NOC2L: variants seen among roughly 807,000 people sequenced by gnomAD.
NOC2L encodes nucleolar complex protein 2 homolog.
NOC2L carries 101 observed loss-of-function variants against 94.2 expected under a neutral mutation model. That is an observed-to-expected ratio of 1.07 (90% confidence interval 0.91 to 1.26). The LOEUF (loss-of-function observed/expected upper bound fraction) is 1.26. Among genes scored for constraint, NOC2L ranks in the 50% most tolerant of loss-of-function variants. NOC2L has a pLI of 0.00. For synonymous variants in NOC2L, 531 were observed against 413.4 expected (o/e 1.28, Z -3.45); for missense variants, 1,076 against 980.1 (o/e 1.10, Z -1.31).
chr1:952,924 G>A (rs1441221950), intron 9 of NOC2L, among the ~76,000 whole-genome samples: 1 of 152,212 alleles, frequency 6.6e-6, no homozygotes, highest in Non-Finnish European at 1.5e-5. Context: ...CCTCCAGCCA[G>A]AGAGGCCCTC....
rs537380304 is a variant in NOC2L, at chr1:951,643, G to C, written c.1331+357C>G. On this transcript the variant is annotated intron_variant, in intron 11 of 18. Transcript: ENST00000327044. ...CCCTACCGTGCCTGGACCCTCCTAAGCGCTCACACCCAAAATGCAGTTCAC... is the reference window on the plus strand; with the variant it reads ...CCCTACCGTGCCTGGACCCTCCTAACCGCTCACACCCAAAATGCAGTTCAC... Among the ~76,000 whole-genome samples the C allele has an allele frequency of 1.8e-3, 274 of 152,304 alleles. 2 individuals carry two copies. The highest frequency in any genetic ancestry group is 6.2e-3 in the African/African-American group (258 of 41,562).
intron 12 of NOC2L, among the ~76,000 whole-genome samples, 192 bp from the exon 13 acceptor site, chr1:948,795 C>A (rs1642182690): frequency 6.6e-6 from 1 of 152,220 alleles, no homozygotes. Flanking sequence ...CGGTCCCAGC[C>A]CCATGGCCCC....
At position 944,964 on chromosome 1, in the gene NOC2L, T is replaced by C. The variant is rs905571262; in HGVS notation, c.2143+93A>G. On this transcript the variant is annotated intron_variant, in intron 18 of 18. Transcript: ENST00000327044. ...TGGCCTTCCCAGGGAGGGAAAAGCCTGGCCCAGAGCCCCACGCCCCCCGCC... is the reference window on the plus strand; with the variant it reads ...TGGCCTTCCCAGGGAGGGAAAAGCCCGGCCCAGAGCCCCACGCCCCCCGCC... 14 of 1,585,504 alleles carry C rather than the reference T, an allele frequency of 8.8e-6. No individual in the cohort carries two copies. In the African/African-American group the frequency reaches 1.5e-4, roughly 17 times the overall value.
intron 6 of NOC2L, 81 bp from the exon 7 acceptor site, chr1:954,163 G>A: frequency 7.3e-7 from 1 of 1,361,870 alleles, no homozygotes. Flanking sequence ...CGCGTGCCCT[G>A]GCCAGCATAG....
At chr1:950,226 TAC>T (rs1642216893) in intron 12 of NOC2L, among the ~76,000 whole-genome samples, 1 of 144,364 alleles carries the variant, frequency 6.9e-6, no homozygotes, top group South Asian at 2.2e-4. Flanking sequence ...ACACGCACAG[TAC>T]ACACATGCAG....
At chr1:946,669 T>TCTCAGGG in intron 14 of NOC2L, 124 bp from the exon 15 acceptor site, 3 of 1,185,160 alleles carry the variant, frequency 2.5e-6, no homozygotes, top group South Asian at 3.0e-5. Context: ...ATGGATCCCA[T>TCTCAGGG]CTCAGGGCTC....
intron 14 of NOC2L, 82 bp from the exon 15 acceptor site, chr1:946,627 G>C (rs1252145771): frequency 2.6e-6 from 4 of 1,525,616 alleles, no homozygotes; most frequent in South Asian, 1.2e-5. Context: ...AAAACCACGC[G>C]TGGTGGCCAC....
At position 958,790 on chromosome 1, in the gene NOC2L, G is replaced by A. The variant is rs182862179; in HGVS notation, c.179+139C>T. The A allele has an allele frequency of 1.4e-3, 1,170 of 846,824 alleles. 8 individuals carry two copies. Among genetic ancestry groups the A allele is most frequent in the Middle Eastern group, 6.0e-3 (28 of 4,660 alleles). The allele number at this position is 846,824 out of a possible 1,614,324, so 52.5% of individuals were successfully genotyped here. A position where few individuals can be genotyped will look rare whatever the true frequency, so the allele number is the denominator to read the frequency against. Reference sequence around the variant, plus strand: ...AGCTCAGTAAACATCGGATGAAAGAGTAAGTTAAGCTGAAAGGACTGGGGG... The same window carrying A: ...AGCTCAGTAAACATCGGATGAAAGAATAAGTTAAGCTGAAAGGACTGGGGG... On this transcript the variant is annotated intron_variant, in intron 2 of 18. Coordinates refer to ENST00000327044, the MANE Select transcript of NOC2L (RefSeq NM_015658.4).
At chr1:949,799 A>G (rs1642203464) in intron 12 of NOC2L, among the ~76,000 whole-genome samples, 1 of 152,180 alleles carries the variant, frequency 6.6e-6, no homozygotes, top group African/African-American at 2.4e-5. Flanking sequence ...ATGGCTTCCT[A>G]AAGATGTTCA....
chr1:958,576 G>A (rs1642481867), intron 2 of NOC2L: 2 of 474,700 alleles, frequency 4.2e-6, no homozygotes, highest in Non-Finnish European at 8.2e-6. Context: ...GAGCAACTCG[G>A]CTCCCCTGCA....
At chr1:950,682 C>A (rs1308437497) in intron 12 of NOC2L, among the ~76,000 whole-genome samples, 1 of 151,784 alleles carries the variant, frequency 6.6e-6, no homozygotes, top group Non-Finnish European at 1.5e-5. Flanking sequence ...GATTTACAGA[C>A]CCATGCACCC....
intron 8 of NOC2L, among the ~76,000 whole-genome samples, 154 bp from the exon 9 acceptor site, chr1:953,442 C>G (rs557111163): frequency 2.0e-5 from 3 of 152,238 alleles, no homozygotes; most frequent in African/African-American, 7.2e-5. Context: ...TGCTCAGTTA[C>G]AGAAGTGAAC....
Position 948,151 on chromosome 1 carries a change from C to A in NOC2L, c.1639G>T (p.Val547Leu), listed in dbSNP as rs749869576. The change falls in exon 14 of 19, where the codon GTG (valine) becomes TTG (leucine). Residue 547 changes from valine (V) to leucine (L), a missense_variant. By Grantham distance (32) the Val-to-Leu change is conservative (BLOSUM62 1). Around this residue, in one of 3 missense-constraint regions of NOC2L, gnomAD observed 615 missense variants for 577.4 expected, o/e 1.07. Coordinates refer to ENST00000327044, the MANE Select transcript of NOC2L (RefSeq NM_015658.4). ...QAHCIGFPEL[V>L]LPVVLQLKSF... is the part of the protein sequence containing the mutation. ...CACACCTGCAGGACCACAGGCAGCA[C>A]CAGCTCCGGGAAGCCGATGCAGTGT... The A allele has an allele frequency of 6.3e-6, 10 of 1,589,956 alleles. No individual in the cohort carries two copies. The highest frequency in any genetic ancestry group is 8.6e-6 in the Non-Finnish European group (10 of 1,169,134).
At chr1:948,686 G>T in intron 12 of NOC2L, 83 bp from the exon 13 acceptor site, 1 of 1,222,328 alleles carries the variant, frequency 8.2e-7, no homozygotes, top group Non-Finnish European at 1.2e-6. Flanking sequence ...GGTCCCCCTG[G>T]TCCCTTTGGC....
chr1:957,464 CA>C, intron 2 of NOC2L, 191 bp from the exon 3 acceptor site: 3 of 599,306 alleles, frequency 5.0e-6, no homozygotes, highest in Non-Finnish European at 8.8e-6. Context: ...ACACACTACA[CA>C]GGCCCCCCAG....
rs187444884 is a variant in NOC2L, at chr1:945,542, C to T, written c.2029G>A (p.Asp677Asn). The T allele has an allele frequency of 1.5e-5, 24 of 1,613,920 alleles. No homozygotes were observed. Among genetic ancestry groups the T allele is most frequent in the East Asian group, 2.2e-5 (1 of 44,884 alleles). Reference protein sequence around the residue: ...LFDLNSSEEDDTEGFSERGIL... With the variant: ...LFDLNSSEEDNTEGFSERGIL... ...CCTCTCTCCGAGAATCCCTCGGTGT[C>T]GTCCTCTTCAGAGCTGTTCAGGTCA... The change falls in exon 17 of 19, where the codon GAC becomes AAC. Residue 677 changes from aspartate (D) to asparagine (N), a missense_variant. Transcript: ENST00000327044.
chr1:945,087 C>T lies in NOC2L; in HGVS notation c.2113G>A (p.Glu705Lys). ...GAGTTGCTGCTGTCCTCCTCGCCCTCCTCCTCGTCCTCTTCATCGTCTTCC... is the reference window on the plus strand; with the variant it reads ...GAGTTGCTGCTGTCCTCCTCGCCCTTCTCCTCGTCCTCTTCATCGTCTTCC... ...GVEDDEEDEE[E>K]GEEDSSNSED... The change falls in exon 18 of 19, where the codon GAG becomes AAG. Residue 705 changes from glutamate to lysine, a missense_variant. Glu to Lys is a moderately conservative substitution (Grantham distance 56, BLOSUM62 1). Around this residue, in one of 3 missense-constraint regions of NOC2L, gnomAD observed 615 missense variants for 577.4 expected, o/e 1.07. Coordinates refer to ENST00000327044, the MANE Select transcript of NOC2L (RefSeq NM_015658.4). 3 of 1,612,154 alleles carry T rather than the reference C, an allele frequency of 1.9e-6. No homozygotes were observed. The highest frequency in any genetic ancestry group is 2.5e-6 in the Non-Finnish European group (3 of 1,179,932).
intron 2 of NOC2L, chr1:958,082 C>T (rs6605068): frequency 0.88 from 107,608 of 122,790 alleles, 46,402 homozygotes; most frequent in Non-Finnish European, 0.92. Flanking sequence ...TTTTTTTTTT[C>T]TCCTGAGGCG....
At chr1:955,589 G>A (rs753090343) in intron 6 of NOC2L, among the ~76,000 whole-genome samples, 2 of 152,200 alleles carry the variant, frequency 1.3e-5, no homozygotes, top group South Asian at 2.1e-4. Context: ...AAGGAGTATG[G>A]ACAGGACTTA....
Sources: allele counts gnomAD v4.1 joint callset (sites outside exome capture counted in the v4.1 genomes callset), GRCh38; gene constraint gnomAD v4.1.1; regional missense constraint gnomAD v4.1.1; transcripts MANE v1.5; gene names NCBI Gene and HGNC (gene_info 2026-07-23, HGNC 2026-07-21).